The following NAV3 variants were observed in gnomAD, a reference collection of about 807,000 sequenced individuals.
NAV3 encodes neuron navigator 3, also known as pore membrane and/or filament interacting like protein 1.
Under a neutral mutation model 244.7 loss-of-function variants are expected in NAV3, and 87 were observed. The ratio of observed to expected loss-of-function variants is 0.36; its 90% CI spans 0.30 to 0.42. The LOEUF is 0.42. Among genes scored for constraint, NAV3 ranks in the 20% least tolerant of loss-of-function variants. The pLI is 1.00. For missense variants in NAV3, 2,663 were observed against 2,893.3 expected (o/e 0.92, Z 1.83); for synonymous variants, 1,126 against 1,042.2 (o/e 1.08, Z -1.55).
chr12:77,973,539 C>T (rs796462620), intron 5 of NAV3, among the ~76,000 whole-genome samples: 1 of 152,152 alleles, frequency 6.6e-6, no homozygotes, highest in Non-Finnish European at 1.5e-5. Context: ...GTTTTCTGAA[C>T]GGCTTGGCTG....
At chr12:77,827,547 T>C (rs922325757), upstream of NAV3, among the ~76,000 whole-genome samples, 7 of 152,196 alleles carry the variant, frequency 4.6e-5, no homozygotes, top group Non-Finnish European at 2.9e-5. Flanking sequence ...TTAAATTTGA[T>C]AGGAATAAAA....
chr12:78,113,226 C>T (rs1378382992), intron 12 of NAV3, among the ~76,000 whole-genome samples: 1 of 152,206 alleles, frequency 6.6e-6, no homozygotes, highest in Non-Finnish European at 1.5e-5. Flanking sequence ...CACATGGGTG[C>T]AAGCTGTAGG....
intron 21 of NAV3, among the ~76,000 whole-genome samples, chr12:78,148,093 A>T (rs1275473238): frequency 6.6e-6 from 1 of 152,084 alleles, no homozygotes; most frequent in Admixed American, 6.6e-5. Flanking sequence ...AACTTAACTA[A>T]AAAGAAAGAT....
chr12:77,687,572 A>C (rs925164741), intron 2 of NAV3, among the ~76,000 whole-genome samples: 3 of 152,130 alleles, frequency 2.0e-5, no homozygotes, highest in African/African-American at 7.2e-5. Context: ...TCAAGCTTAT[A>C]TCTGCCAGAG....
chr12:77,946,286 ACT>A (rs1445094604), intron 3 of NAV3, among the ~76,000 whole-genome samples: 23 of 150,548 alleles, frequency 1.5e-4, no homozygotes, highest in Middle Eastern at 3.4e-3. Flanking sequence ...AGAAAATTTA[ACT>A]CTCTATATAA....
In NAV3 at chr12:78,006,455, A is replaced by G. The variant is rs1360709009; in HGVS notation, c.917A>G (p.Asn306Ser). 2 of 1,613,996 alleles carry G rather than the reference A, an allele frequency of 1.2e-6. No individual in the cohort carries two copies. Among genetic ancestry groups the G allele is most frequent in the Admixed American group, 1.7e-5 (1 of 60,004 alleles). Residue 306 changes from asparagine (N) to serine (S), a missense_variant, in exon 8 of 40, where the codon AAT (asparagine) becomes AGT (serine). Asn to Ser is a conservative substitution (Grantham distance 46). Transcript: ENST00000397909. ...SKGPQSSSGV[N>S]GNVQPPSTAG... is the part of the protein sequence containing the mutation. ...GGACCTCAATCGTCTTCAGGTGTAA[A>G]TGGTAACGTGCAGCCTCCCAGTACT...
intron 5 of NAV3, among the ~76,000 whole-genome samples, chr12:77,981,619 C>T (rs1454831369): frequency 5.9e-5 from 9 of 151,606 alleles, no homozygotes; most frequent in Admixed American, 4.0e-4. Context: ...ACTTTATTCC[C>T]GATTTTTTTT....
intron 1 of NAV3, among the ~76,000 whole-genome samples, chr12:77,845,875 A>C (rs1179912174): frequency 6.6e-6 from 1 of 151,994 alleles, no homozygotes; most frequent in Admixed American, 6.6e-5. Flanking sequence ...CTGGTCTCGA[A>C]CCCCTGACAT....
At chr12:77,967,776 C>A (rs1892644148) in intron 4 of NAV3, among the ~76,000 whole-genome samples, 2 of 152,068 alleles carry the variant, frequency 1.3e-5, no homozygotes, top group South Asian at 4.2e-4. Context: ...TCTTACACAG[C>A]AACTTCATCT....
chr12:77,615,441 C>G (rs889804371), intron 2 of NAV3, among the ~76,000 whole-genome samples: 1 of 152,112 alleles, frequency 6.6e-6, no homozygotes, highest in Admixed American at 6.5e-5. Context: ...CAGCATTTAG[C>G]TCCCACTTAC....
chr12:78,137,724 C>T (rs928624205), intron 19 of NAV3, among the ~76,000 whole-genome samples: 1 of 152,126 alleles, frequency 6.6e-6, no homozygotes, highest in Admixed American at 6.6e-5. Flanking sequence ...AAACCAGAAA[C>T]ATTATTTTAT....
chr12:77,777,861 A>G (rs2135902319), intron 2 of NAV3, among the ~76,000 whole-genome samples: 1 of 150,220 alleles, frequency 6.7e-6, no homozygotes, highest in Admixed American at 6.6e-5. Flanking sequence ...GCTGGAGTGC[A>G]GTGGCACGAT....
chr12:77,660,722 A>C (rs1873401263), intron 2 of NAV3, among the ~76,000 whole-genome samples: 1 of 152,108 alleles, frequency 6.6e-6, no homozygotes, highest in Non-Finnish European at 1.5e-5. Context: ...ATCCACCTTC[A>C]CCAAAAGTTT....
chr12:77,930,133 T>C (rs1888639825), intron 1 of NAV3, among the ~76,000 whole-genome samples: 1 of 152,174 alleles, frequency 6.6e-6, no homozygotes, highest in Non-Finnish European at 1.5e-5. Context: ...TTCCAAGTAA[T>C]ATGCTTTAAT....
intron 2 of NAV3, among the ~76,000 whole-genome samples, chr12:77,756,011 T>A (rs939971342): frequency 6.6e-6 from 1 of 152,156 alleles, no homozygotes; most frequent in African/African-American, 2.4e-5. Context: ...TTGAAATAGA[T>A]CAACTTTTGA....
At chr12:77,741,135 G>GAAAAAAAA (rs71088333) in intron 2 of NAV3, among the ~76,000 whole-genome samples, 2 of 60,718 alleles carry the variant, frequency 3.3e-5, no homozygotes, top group Non-Finnish European at 2.8e-5. Flanking sequence ...AATAGTCAAA[G>GAAAAAAAA]AAAAAAAAAA....
chr12:77,996,421 A>G (rs1383686113), intron 6 of NAV3, among the ~76,000 whole-genome samples: 2 of 152,248 alleles, frequency 1.3e-5, no homozygotes, highest in Non-Finnish European at 2.9e-5. Flanking sequence ...AATACTTTGT[A>G]TGACACAATG....
intron 2 of NAV3, among the ~76,000 whole-genome samples, chr12:77,747,498 A>G (rs1294246455): frequency 6.6e-6 from 1 of 152,214 alleles, no homozygotes; most frequent in Non-Finnish European, 1.5e-5. Context: ...ATGTAGAACT[A>G]GAAATACCAT....
intron 2 of NAV3, among the ~76,000 whole-genome samples, chr12:77,759,945 A>G (rs559741464): frequency 6.6e-6 from 1 of 152,352 alleles, no homozygotes; most frequent in South Asian, 2.1e-4. Context: ...GCAGATACCC[A>G]AAGAGTGGAA....
Sources: allele counts gnomAD v4.1 joint callset (sites outside exome capture counted in the v4.1 genomes callset), GRCh38; gene constraint gnomAD v4.1.1; transcripts MANE v1.5; gene names NCBI Gene and HGNC (gene_info 2026-07-23, HGNC 2026-07-21).